The following SI variants were observed in gnomAD, a reference collection of about 807,000 sequenced individuals.
The protein encoded by SI is sucrase-isomaltase, intestinal.
Under a neutral mutation model 253.3 loss-of-function variants are expected in SI, and 235 were observed. That is an observed-to-expected ratio of 0.93 (90% CI 0.83 to 1.03). The LOEUF is 1.03. SI is among the 50% of genes least tolerant of loss of function. The pLI is 0.00. For synonymous variants in SI, 819 were observed against 712.0 expected (o/e 1.15, Z -2.39); for missense variants, 2,442 against 2,211.1 (o/e 1.10, Z -2.09).
At chr3:165,028,539 A>G (rs1206646923) in intron 25 of SI, among the ~76,000 whole-genome samples, 1 of 151,524 alleles carries the variant, frequency 6.6e-6, no homozygotes, top group Non-Finnish European at 1.5e-5. Flanking sequence ...ATTTCAAACT[A>G]TACTATAAAG....
intron 13 of SI, among the ~76,000 whole-genome samples, chr3:165,052,467 C>T (rs1300142407): frequency 6.6e-6 from 1 of 152,096 alleles, no homozygotes; most frequent in African/African-American, 2.4e-5. Flanking sequence ...ACCAGCCTGG[C>T]CAACATGGCA....
intron 25 of SI, among the ~76,000 whole-genome samples, chr3:165,027,203 T>C (rs535116952): frequency 3.0e-4 from 46 of 151,276 alleles, no homozygotes; most frequent in African/African-American, 1.0e-3. Context: ...ACACATAAAT[T>C]AGATGACCTA....
intron 16 of SI, 113 bp from the exon 17 acceptor site, chr3:165,043,288 C>A (rs1268031823): frequency 1.4e-6 from 1 of 716,422 alleles, no homozygotes. Flanking sequence ...TTGTTTTACT[C>A]CTTTTATATA....
intron 37 of SI, among the ~76,000 whole-genome samples, chr3:165,004,479 GA>G (rs1420600172): frequency 1.3e-5 from 2 of 152,108 alleles, no homozygotes; most frequent in East Asian, 3.9e-4. Context: ...ATATCAAAAA[GA>G]TATCTGCCCT....
At chr3:165,043,491 G>A (rs1195710375) in intron 16 of SI, among the ~76,000 whole-genome samples, 1 of 151,408 alleles carries the variant, frequency 6.6e-6, no homozygotes, top group Non-Finnish European at 1.5e-5. Flanking sequence ...AAAATATGTT[G>A]GTTGCTTCTT....
chr3:165,040,974 A>G lies in SI; in HGVS notation c.2125T>C (p.Phe709Leu). The G allele has an allele frequency of 6.2e-7, 1 of 1,612,178 alleles. No individual in the cohort carries two copies. The highest frequency in any genetic ancestry group is 2.2e-5 in the East Asian group (1 of 44,708). The change falls in exon 18 of 48, where the codon TTT (phenylalanine) becomes CTT (leucine). Residue 709 changes from phenylalanine to leucine, a missense_variant. By Grantham distance (22) the Phe-to-Leu change is conservative. Coordinates refer to ENST00000264382, the MANE Select transcript of SI (RefSeq NM_001041.4). Reference protein sequence around the residue: ...LYTLFYKAHVFGETVARPVLH... With the variant: ...LYTLFYKAHVLGETVARPVLH... ...ACTGGTCTTGCTACTGTTTCTCCAA[A>G]CACATGGGCTTTATAAAACAGAGTG...
chr3:165,001,901 A>G (rs1455119502), intron 37 of SI, among the ~76,000 whole-genome samples: 1 of 151,602 alleles, frequency 6.6e-6, no homozygotes, highest in African/African-American at 2.4e-5. Context: ...TACATTAAAT[A>G]TAATTTTCCA....
At chr3:165,050,077 T>C (rs538455636) in intron 13 of SI, among the ~76,000 whole-genome samples, 1 of 152,272 alleles carries the variant, frequency 6.6e-6, no homozygotes, top group East Asian at 1.9e-4. Flanking sequence ...AGAGAGATTT[T>C]AAACAATCAA....
intron 20 of SI, among the ~76,000 whole-genome samples, chr3:165,038,778 G>T (rs1429743991): frequency 1.3e-5 from 2 of 151,848 alleles, no homozygotes; most frequent in Non-Finnish European, 1.5e-5. Flanking sequence ...ATTAAAATAA[G>T]TTGCCACTCC....
At chr3:165,016,707 C>T (rs573254859) in intron 31 of SI, among the ~76,000 whole-genome samples, 1 of 151,806 alleles carries the variant, frequency 6.6e-6, no homozygotes, top group Non-Finnish European at 1.5e-5. Flanking sequence ...TCAATTGAAG[C>T]CTAAATACAA....
intron 37 of SI, among the ~76,000 whole-genome samples, chr3:165,002,691 T>A (rs1718309645): frequency 6.6e-6 from 1 of 151,774 alleles, no homozygotes; most frequent in East Asian, 1.9e-4. Flanking sequence ...TTTTTTTACA[T>A]TTGTCAAGGT....
intron 1 of SI, among the ~76,000 whole-genome samples, chr3:165,076,794 A>G (rs968402474): frequency 3.3e-5 from 5 of 151,634 alleles, no homozygotes; most frequent in African/African-American, 4.8e-5. Context: ...ATTATCTGAA[A>G]GCATATTTGT....
At chr3:165,085,684 T>C in the SI span, among the ~76,000 whole-genome samples, 1 of 152,180 alleles carries the variant, frequency 6.6e-6, no homozygotes, top group Non-Finnish European at 1.5e-5. Context: ...ATAAACAATG[T>C]GTGCACTTCT....
chr3:164,989,389 GAAGA>G (rs1184335609), intron 44 of SI, among the ~76,000 whole-genome samples: 919 of 59,464 alleles, frequency 0.015, 11 homozygotes, highest in South Asian at 0.028. Context: ...AGAAAGAAAG[GAAGA>G]AAGAAAGAAA....
intron 18 of SI, among the ~76,000 whole-genome samples, chr3:165,040,440 A>G (rs1055715952): frequency 6.6e-6 from 1 of 152,070 alleles, no homozygotes; most frequent in Non-Finnish European, 1.5e-5. Context: ...TTCATAAAGT[A>G]TCGGAAATCT....
Position 165,009,349 on chromosome 3 carries a change from G to A in SI, c.4109C>T (p.Thr1370Ile). The A allele has an allele frequency of 6.2e-7, 1 of 1,613,614 alleles. No homozygotes were observed. The highest frequency in any genetic ancestry group is 8.5e-7 in the Non-Finnish European group (1 of 1,179,672). The change falls in exon 35 of 48, where the codon ACA becomes ATA. Residue 1370 changes from threonine (T) to isoleucine (I), a missense_variant. Coordinates refer to ENST00000264382, the MANE Select transcript of SI (RefSeq NM_001041.4). ...AATTTCTCTGGCCCACCACTCTGCT[G>A]TGGAAGTCCTGAAGAAATCTGGGAA... is the stretch of plus-strand genomic sequence containing the variant. ...VAFPDFFRTS[T>I]AEWWAREIVD...
chr3:164,997,797 C>A (rs908052290), intron 38 of SI, among the ~76,000 whole-genome samples: 1 of 151,780 alleles, frequency 6.6e-6, no homozygotes, highest in Non-Finnish European at 1.5e-5. Context: ...CAGCTCCATC[C>A]ATGTCCCTTG....
chr3:165,043,567 TA>T lies in SI; in HGVS notation c.1888-393del, dbSNP rs1316945047. Among the ~76,000 whole-genome samples the T allele has an allele frequency of 6.6e-5, 10 of 152,134 alleles. No homozygotes were observed. In the Middle Eastern group the frequency reaches 0.017, roughly 259 times the overall value. ...ATAATATAATATGTAACTGTAGGAA[TA>T]AAATAACAAACTGTGACCATGTGTT... is the stretch of plus-strand genomic sequence containing the variant. On this transcript the variant is annotated intron_variant, in intron 16 of 47. Transcript: ENST00000264382.
chr3:165,056,615 A>T (rs1713705967), intron 12 of SI, among the ~76,000 whole-genome samples: 1 of 152,060 alleles, frequency 6.6e-6, no homozygotes, highest in Non-Finnish European at 1.5e-5. Flanking sequence ...AGGGAGAGCA[A>T]AGTGATTGTG....
Sources: allele counts gnomAD v4.1 joint callset (sites outside exome capture counted in the v4.1 genomes callset), GRCh38; gene constraint gnomAD v4.1.1; transcripts MANE v1.5; gene names NCBI Gene and HGNC (gene_info 2026-07-23, HGNC 2026-07-21).